DLGAP1: variants seen among roughly 807,000 people sequenced by gnomAD.
DLGAP1 encodes disks large-associated protein 1.
DLGAP1 carries 11 observed loss-of-function variants against 90.8 expected under a neutral mutation model. The observed-to-expected ratio is 0.12, with a 90% CI of 0.08 to 0.20. The LOEUF is 0.20. Ranked by LOEUF, DLGAP1 falls within the 10% of genes least tolerant of loss-of-function variation. The probability of loss-of-function intolerance (pLI) is 1.00; values close to 1 mark genes in which losing one functional copy is unlikely to be tolerated. For missense variants in DLGAP1, 1,050 were observed against 1,333.8 expected (o/e 0.79, Z 3.31); for synonymous variants, 558 against 540.7 (o/e 1.03, Z -0.44).
At chr18:3,952,809 A>G (rs1466492250) in intron 3 of DLGAP1, among the ~76,000 whole-genome samples, 1 of 152,230 alleles carries the variant, frequency 6.6e-6, no homozygotes, top group Non-Finnish European at 1.5e-5. Flanking sequence ...AATGGAAAAC[A>G]ATTATAGGCA....
intron 3 of DLGAP1, chr18:3,891,870 C>G (rs1008540337): frequency 6.6e-6 from 1 of 151,996 alleles, no homozygotes; most frequent in African/African-American, 2.4e-5. Context: ...TCCTGCACAG[C>G]TAGGACTACA....
At chr18:3,911,501 T>C (rs1406712972) in intron 3 of DLGAP1, among the ~76,000 whole-genome samples, 2 of 152,216 alleles carry the variant, frequency 1.3e-5, no homozygotes, top group Non-Finnish European at 2.9e-5. Context: ...AGTAGATGGA[T>C]TAGAACATTT....
intron 7 of DLGAP1, among the ~76,000 whole-genome samples, chr18:3,691,278 A>C (rs2060887156): frequency 6.6e-6 from 1 of 152,156 alleles, no homozygotes; most frequent in Non-Finnish European, 1.5e-5. Flanking sequence ...GTGAAATCCC[A>C]TCTCCACTGC....
chr18:3,600,065 G>A (rs1461702201), intron 7 of DLGAP1, among the ~76,000 whole-genome samples: 1 of 151,894 alleles, frequency 6.6e-6, no homozygotes, highest in Admixed American at 6.6e-5. Flanking sequence ...AACCACAAGC[G>A]CACACCACCA....
chr18:3,740,237 T>G (rs771599440), intron 6 of DLGAP1, among the ~76,000 whole-genome samples: 6 of 152,212 alleles, frequency 3.9e-5, no homozygotes, highest in Non-Finnish European at 5.9e-5. Flanking sequence ...CCATGCAGAA[T>G]AAATATGTGC....
Position 4,272,338 on chromosome 18 carries a change from CT to C in DLGAP1, c.-266-121052del, listed in dbSNP as rs914984457. ...GTGATGTGAATTCAGTTTATTTTAC[CT>C]TTTTTTGTTCTTTGGGTTAAAGCCA... On this transcript the variant is annotated intron_variant, in intron 1 of 12. Coordinates refer to ENST00000315677, the MANE Select transcript of DLGAP1 (RefSeq NM_004746.4). Among the ~76,000 whole-genome samples, 53 of 152,026 alleles carry C rather than the reference CT, an allele frequency of 3.5e-4. 1 individual carries two copies. The highest frequency in any genetic ancestry group is 1.3e-3 in the African/African-American group (52 of 41,468).
At chr18:3,690,580 A>G (rs2147005877) in intron 7 of DLGAP1, among the ~76,000 whole-genome samples, 1 of 152,270 alleles carries the variant, frequency 6.6e-6, no homozygotes, top group East Asian at 1.9e-4. Context: ...CAATAAAGTG[A>G]TGAAAGTGCC....
At chr18:4,157,144 C>A (rs2076770336) in intron 1 of DLGAP1, among the ~76,000 whole-genome samples, 1 of 151,936 alleles carries the variant, frequency 6.6e-6, no homozygotes, top group Admixed American at 6.6e-5. Context: ...AGAGGTGGGA[C>A]CGGGCCGTCA....
intron 4 of DLGAP1, among the ~76,000 whole-genome samples, chr18:3,818,715 C>T (rs1265183369): frequency 1.3e-5 from 2 of 151,588 alleles, no homozygotes; most frequent in Admixed American, 1.3e-4. Context: ...GATTCTCCTG[C>T]CTCCCTAGTA....
intron 9 of DLGAP1, among the ~76,000 whole-genome samples, chr18:3,561,759 G>T (rs2145023510): frequency 6.6e-6 from 1 of 150,820 alleles, no homozygotes; most frequent in South Asian, 2.1e-4. Context: ...TGTTTTTATA[G>T]TGACTAAGCC....
intron 1 of DLGAP1, among the ~76,000 whole-genome samples, chr18:4,449,691 A>T (rs1375869599): frequency 6.6e-6 from 1 of 152,164 alleles, no homozygotes; most frequent in African/African-American, 2.4e-5. Flanking sequence ...GCAATCTGAC[A>T]CTCACAAGTC....
chr18:3,733,653 T>G (rs2062530036), intron 6 of DLGAP1, among the ~76,000 whole-genome samples: 1 of 152,208 alleles, frequency 6.6e-6, no homozygotes, highest in South Asian at 2.1e-4. Flanking sequence ...CATCTGTAGT[T>G]CTTATGTCTG....
intron 2 of DLGAP1, among the ~76,000 whole-genome samples, chr18:4,112,127 T>C (rs1402885357): frequency 6.6e-6 from 1 of 152,070 alleles, no homozygotes; most frequent in Non-Finnish European, 1.5e-5. Context: ...TGGTACGTTG[T>C]ACTTTAATTT....
At chr18:4,053,595 T>C (rs1444035875) in intron 2 of DLGAP1, among the ~76,000 whole-genome samples, 1 of 152,220 alleles carries the variant, frequency 6.6e-6, no homozygotes, top group Non-Finnish European at 1.5e-5. Flanking sequence ...CCTCCCCCTT[T>C]GCTCTATCTT....
chr18:3,923,578 C>T (rs2148915559), intron 3 of DLGAP1, among the ~76,000 whole-genome samples: 1 of 152,098 alleles, frequency 6.6e-6, no homozygotes, highest in South Asian at 2.1e-4. Flanking sequence ...AAATATTTTA[C>T]TTCAAAATCT....
At chr18:4,262,766 T>A (rs1303363503) in intron 1 of DLGAP1, among the ~76,000 whole-genome samples, 1 of 152,152 alleles carries the variant, frequency 6.6e-6, no homozygotes, top group African/African-American at 2.4e-5. Flanking sequence ...GCAAATTTAC[T>A]CAATTTCAGC....
intron 4 of DLGAP1, among the ~76,000 whole-genome samples, chr18:3,847,764 ACAAT>A (rs1272974500): frequency 1.3e-5 from 2 of 152,194 alleles, no homozygotes; most frequent in Non-Finnish European, 2.9e-5. Context: ...AGATGGGTTC[ACAAT>A]CAAGAAAGAA....
In DLGAP1 at chr18:4,277,463, A is replaced by G. The variant is rs2079442322; in HGVS notation, c.-266-126176T>C. On this transcript the variant is annotated intron_variant, in intron 1 of 12. Coordinates refer to ENST00000315677, the MANE Select transcript of DLGAP1 (RefSeq NM_004746.4). ...CAAGGCTTGTTAGCATTCTGAAAGTAAGAATAGTTTCTGTGGGTTTTCTGT... is the reference window on the plus strand; with the variant it reads ...CAAGGCTTGTTAGCATTCTGAAAGTGAGAATAGTTTCTGTGGGTTTTCTGT... 1.3e-5 allele frequency among the ~76,000 whole-genome samples: 2 copies of G among 152,198 alleles called. 1 individual carries two copies. The highest frequency in any genetic ancestry group is 4.1e-4 in the South Asian group (2 of 4,834).
chr18:3,597,057 T>A, intron 7 of DLGAP1: 1 of 519,988 alleles, frequency 1.9e-6, no homozygotes, highest in South Asian at 1.4e-5. Flanking sequence ...TGTGCAGCTG[T>A]TTTTCTTCTT....
Sources: allele counts gnomAD v4.1 joint callset (sites outside exome capture counted in the v4.1 genomes callset), GRCh38; gene constraint gnomAD v4.1.1; transcripts MANE v1.5; gene names NCBI Gene and HGNC (gene_info 2026-07-23, HGNC 2026-07-21).